IFITM10: variants seen among roughly 807,000 people sequenced by gnomAD.
IFITM10 encodes the protein interferon-induced transmembrane protein 10.
Under a neutral mutation model 19.0 loss-of-function variants are expected in IFITM10, and 17 were observed. The observed-to-expected ratio is 0.90, with a 90% confidence interval of 0.61 to 1.34. The LOEUF is 1.34. IFITM10 is among the 40% of genes most tolerant of loss of function. The pLI is 0.00. For missense variants in IFITM10, 306 were observed against 319.8 expected (o/e 0.96, Z 0.33); for synonymous variants, 148 against 147.2 (o/e 1.01, Z -0.04).
At chr11:1,746,171 TACAC>T (rs974071320) in intron 2 of IFITM10, 6 of 164,022 alleles carry the variant, frequency 3.7e-5, no homozygotes, top group Non-Finnish European at 6.4e-5. Flanking sequence ...CACATGCAAT[TACAC>T]ACACATGCAC....
intron 2 of IFITM10, among the ~76,000 whole-genome samples, chr11:1,739,787 C>A (rs994664348): frequency 1.3e-5 from 2 of 151,966 alleles, no homozygotes; most frequent in African/African-American, 4.8e-5. Context: ...GGAGGCATGT[C>A]CTGGGAGCAT....
chr11:1,746,445 T>C lies in IFITM10; in HGVS notation c.537+1222A>G, dbSNP rs569605427. ...CACAGTACATGCCCACTTATGCAAT[T>C]ACACGTGAGTACACACATACACTGA... is the stretch of plus-strand genomic sequence containing the variant. On this transcript the variant is annotated intron_variant, in intron 2 of 2. Coordinates refer to ENST00000340134, the MANE Select transcript of IFITM10 (RefSeq NM_001170820.4). 6.8e-4 allele frequency: 269 copies of C among 397,804 alleles called. 1 individual carries two copies. Among genetic ancestry groups the C allele is most frequent in the Non-Finnish European group, 1.0e-3 (225 of 226,002 alleles). 24.6% of individuals were successfully genotyped at this position (397,804 alleles called of 1,614,324 possible). A position where few individuals can be genotyped will look rare whatever the true frequency, so the allele number is the denominator to read the frequency against.
Position 1,734,413 on chromosome 11 carries a change from G to C in IFITM10, c.*867C>G, listed in dbSNP as rs925581352. On this transcript the variant is annotated 3_prime_UTR_variant, in exon 3 of 3. Transcript: ENST00000340134. ...AGGAGATGGGCACGAGAGAGGTAAA[G>C]GGGCCTGTCCAGGTCCCAGAGCCCT... is the stretch of plus-strand genomic sequence containing the variant. 1 of 152,272 alleles carries C rather than the reference G, an allele frequency of 6.6e-6. No homozygotes were observed. The highest frequency in any genetic ancestry group is 2.4e-5 in the African/African-American group (1 of 41,472). The allele number at this position is 152,272 out of a possible 1,614,324, so 9.4% of individuals were successfully genotyped here. A position where few individuals can be genotyped will look rare whatever the true frequency, so the allele number is the denominator to read the frequency against.
intron 2 of IFITM10, among the ~76,000 whole-genome samples, chr11:1,736,915 G>A (rs1851093433): frequency 6.6e-6 from 1 of 152,094 alleles, no homozygotes; most frequent in African/African-American, 2.4e-5. Context: ...TGGGCAAGTA[G>A]GTGACTTGGA....
At chr11:1,748,563 G>T (rs1246589543) in intron 1 of IFITM10, 2 of 160,460 alleles carry the variant, frequency 1.2e-5, no homozygotes, top group African/African-American at 4.8e-5. Flanking sequence ...CACGGCGCCC[G>T]CGGACACCCG....
intron 1 of IFITM10, 102 bp downstream of exon 1, chr11:1,750,257 C>G: frequency 6.5e-7 from 1 of 1,540,638 alleles, no homozygotes; most frequent in Non-Finnish European, 8.8e-7. Flanking sequence ...ATAACAGTCC[C>G]CATGAGTTCC....
chr11:1,747,658 CG>C lies in IFITM10; in HGVS notation c.537+8del. ...CCCGCCCTTGCCCCCTGCCACCGCC[CG>C]GGCTCACTTTGAGGGAGTAGGCCAA... On this transcript the variant is annotated splice_region_variant and intron_variant, in intron 2 of 2. Transcript: ENST00000340134. The C allele has an allele frequency of 6.4e-7, 1 of 1,551,378 alleles. No homozygotes were observed. The highest frequency in any genetic ancestry group is 8.7e-7 in the Non-Finnish European group (1 of 1,146,758).
At chr11:1,740,299 CAAAAAAAA>C (rs58480346) in intron 2 of IFITM10, among the ~76,000 whole-genome samples, 2 of 41,030 alleles carry the variant, frequency 4.9e-5, no homozygotes, top group South Asian at 1.3e-3. Context: ...GACTCCATCT[CAAAAAAAA>C]AAAAAAAAAA....
intron 2 of IFITM10, chr11:1,746,772 C>T (rs1845655506): frequency 1.3e-5 from 5 of 398,722 alleles, no homozygotes; most frequent in Admixed American, 4.4e-5. Flanking sequence ...TGGTGGAGTA[C>T]ATCTGGCCTT....
chr11:1,747,893 AAC>A lies in IFITM10; in HGVS notation c.309_310del (p.Phe104ProfsTer84). On this transcript the variant is annotated frameshift_variant, in exon 2 of 3. Transcript: ENST00000340134. LOFTEE classifies it high-confidence loss of function. The stretch of plus-strand genomic sequence containing the variant: ...CTTGCTGCTCTTGGACTCCATGGGG[AAC>A]AGTGTGGGCGCCATCGGGGGAGAGG... The A allele has an allele frequency of 6.6e-7, 1 of 1,522,332 alleles. No individual in the cohort carries two copies. Among genetic ancestry groups the A allele is most frequent in the Non-Finnish European group, 8.8e-7 (1 of 1,130,992 alleles). 94.3% of individuals were successfully genotyped at this position (1,522,332 alleles called of 1,614,324 possible). A position where few individuals can be genotyped will look rare whatever the true frequency, so the allele number is the denominator to read the frequency against.
intron 1 of IFITM10, chr11:1,748,578 C>T (rs1845681146): frequency 6.5e-6 from 1 of 152,696 alleles, no homozygotes; most frequent in African/African-American, 2.6e-5. Context: ...CACCCGATAC[C>T]GCCACGGGCA....
At chr11:1,747,200 G>A (rs750483191) in intron 2 of IFITM10, among the ~76,000 whole-genome samples, 1 of 152,090 alleles carries the variant, frequency 6.6e-6, no homozygotes, top group Non-Finnish European at 1.5e-5. Flanking sequence ...CTTGGGCTCC[G>A]GGTGAGGAGC....
intron 2 of IFITM10, chr11:1,745,580 T>G (rs750138397): frequency 2.0e-5 from 3 of 152,090 alleles, no homozygotes; most frequent in Admixed American, 1.3e-4. Context: ...CACGTATGAT[T>G]ACACACGCAT....
At chr11:1,747,041 C>T (rs1171257839) in intron 2 of IFITM10, among the ~76,000 whole-genome samples, 1 of 152,138 alleles carries the variant, frequency 6.6e-6, no homozygotes, top group African/African-American at 2.4e-5. Context: ...TCATGTCTGC[C>T]CAGCACCTGC....
chr11:1,743,259 G>T (rs1845592784), intron 2 of IFITM10, among the ~76,000 whole-genome samples: 1 of 149,202 alleles, frequency 6.7e-6, no homozygotes, highest in Admixed American at 6.7e-5. Context: ...AGGATGAATA[G>T]ATGAATGGAT....
chr11:1,750,431 T>C lies in IFITM10; in HGVS notation c.12A>G (p.Gly4=), dbSNP rs1233026327. The change falls in exon 1 of 3, where the codon GGA becomes GGG. Residue 4 remains glycine (G), a synonymous_variant. Coordinates refer to ENST00000340134, the MANE Select transcript of IFITM10 (RefSeq NM_001170820.4). The part of the protein sequence containing the change: MRE[G]KRGPPCILSF... ...TGAGGATGCATGGCGGCCCCCGTTT[T>C]CCCTCCCTCATCTCTCTCCAAGCCC... is the stretch of plus-strand genomic sequence containing the variant. 3.9e-6 allele frequency: 6 copies of C among 1,549,940 alleles called. No homozygotes were observed. In the African/African-American group the frequency reaches 8.2e-5, roughly 21 times the overall value.
chr11:1,734,120 C>T lies in IFITM10; in HGVS notation c.*1160G>A, dbSNP rs956740964. 1 of 152,562 alleles carries T rather than the reference C, an allele frequency of 6.6e-6. No individual in the cohort carries two copies. The highest frequency in any genetic ancestry group is 2.4e-5 in the African/African-American group (1 of 41,466). 9.5% of individuals were successfully genotyped at this position (152,562 alleles called of 1,614,324 possible). On this transcript the variant is annotated 3_prime_UTR_variant, in exon 3 of 3. Coordinates refer to ENST00000340134, the MANE Select transcript of IFITM10 (RefSeq NM_001170820.4). ...ACTGCCTCGGCTTCTTCTCCATCTTCACCTCCCCACCTCCTTCGTGTGCCT... is the reference window on the plus strand; with the variant it reads ...ACTGCCTCGGCTTCTTCTCCATCTTTACCTCCCCACCTCCTTCGTGTGCCT...
intron 2 of IFITM10, chr11:1,744,364 A>T (rs1047619829): frequency 1.3e-5 from 2 of 152,372 alleles, no homozygotes; most frequent in African/African-American, 2.4e-5. Context: ...GGATGTGCAC[A>T]TCGCTCACAT....
intron 2 of IFITM10, among the ~76,000 whole-genome samples, chr11:1,740,782 A>T (rs1329565209): frequency 6.6e-6 from 1 of 152,134 alleles, no homozygotes; most frequent in Non-Finnish European, 1.5e-5. Context: ...TCTATGTTGC[A>T]GCGATCCCCA....
Sources: gnomAD v4.1 joint callset for allele counts (sites outside exome capture counted in the v4.1 genomes callset) on GRCh38, gnomAD v4.1.1 for gene constraint, MANE v1.5 for transcripts, NCBI Gene and HGNC (gene_info 2026-07-23, HGNC 2026-07-21) for gene names.